PRKAG2: variants seen among roughly 807,000 people sequenced by gnomAD.
The protein encoded by PRKAG2 is protein kinase AMP-activated non-catalytic subunit gamma 2, also known as 5'-AMP-activated protein kinase subunit gamma-2.
In PRKAG2, 26 loss-of-function variants were observed where a neutral mutation model predicts 69.6. That is an observed-to-expected ratio of 0.37 (90% confidence interval 0.27 to 0.52). The LOEUF (loss-of-function observed/expected upper bound fraction) is 0.52, where lower values mean the gene tolerates loss of function less well. Ranked by LOEUF, PRKAG2 falls within the 20% of genes least tolerant of loss-of-function variation. The pLI, the probability that PRKAG2 is intolerant of heterozygous loss-of-function variation, is 0.90. For synonymous variants in PRKAG2, 293 were observed against 285.0 expected (o/e 1.03, Z -0.28); for missense variants, 557 against 740.0 (o/e 0.75, Z 2.87).
chr7:151,777,634 G>A lies in PRKAG2; in HGVS notation c.466+3518C>T, dbSNP rs1210061801. Among the ~76,000 whole-genome samples, 3 of 152,204 alleles carry A rather than the reference G, an allele frequency of 2.0e-5. No homozygotes were observed. Among genetic ancestry groups the A allele is most frequent in the Non-Finnish European group, 4.4e-5 (3 of 68,030 alleles). On this transcript the variant is annotated intron_variant, in intron 3 of 15. Transcript: ENST00000287878. This position sits in a 1 kb window ranked among gnomAD's most constrained non-coding sequence, Gnocchi z 4.3. ...TTGCAAACACCTTGGCAGAGATCAC[G>A]ACAGCAGGAGAAGGTCCAGCCTGGC...
intron 4 of PRKAG2, among the ~76,000 whole-genome samples, chr7:151,654,016 TATC>T (rs1316547883): frequency 6.6e-6 from 1 of 152,220 alleles, no homozygotes; most frequent in Non-Finnish European, 1.5e-5. Context: ...GTTTAAAAAT[TATC>T]ATAATTATTT....
In PRKAG2 at chr7:151,632,533, C is replaced by T; in HGVS notation, c.685-395G>A. The T allele has an allele frequency of 2.0e-6, 2 of 978,778 alleles. No homozygotes were observed. Among genetic ancestry groups the T allele is most frequent in the Non-Finnish European group, 2.4e-6 (2 of 824,392 alleles). 60.6% of individuals were successfully genotyped at this position (978,778 alleles called of 1,614,324 possible). ...CGCCGTGCCGCCATTGGGAGAGGCC[C>T]GCGGCCCGCCCCCACTCCGCCCCCC... On this transcript the variant is annotated intron_variant, in intron 4 of 15. Coordinates refer to ENST00000287878, the MANE Select transcript of PRKAG2 (RefSeq NM_016203.4). This position sits in a 1 kb window ranked among gnomAD's most constrained non-coding sequence, Gnocchi z 4.2.
At chr7:151,787,134 C>A (rs1049683464) in intron 1 of PRKAG2, among the ~76,000 whole-genome samples, 11 of 152,244 alleles carry the variant, frequency 7.2e-5, no homozygotes, top group African/African-American at 2.7e-4. Flanking sequence ...AGGCAGAATC[C>A]TGCCCAGTCA....
chr7:151,645,944 T>C (rs1045752739), intron 4 of PRKAG2, among the ~76,000 whole-genome samples: 2 of 152,230 alleles, frequency 1.3e-5, no homozygotes, highest in East Asian at 1.9e-4. Context: ...TTGTTCCACA[T>C]TGCTTGTTGA....
intron 3 of PRKAG2, among the ~76,000 whole-genome samples, chr7:151,742,555 C>T (rs2073968660): frequency 2.0e-5 from 3 of 151,512 alleles, no homozygotes. Context: ...ACCCGGGAGG[C>T]GGAGGTTGCA....
rs551641154 is a variant in PRKAG2 at position 151,777,890 on chromosome 7, A to G, written c.466+3262T>C. On this transcript the variant is annotated intron_variant, in intron 3 of 15. Coordinates refer to ENST00000287878, the MANE Select transcript of PRKAG2 (RefSeq NM_016203.4). The surrounding 1 kb of genome is among the most constrained non-coding windows in gnomAD (Gnocchi z 4.3). Reference sequence around the variant, plus strand: ...TGGGAGGGGCCTGAACCGGGCTAACATGCAGGTGTAGTTTCTATGATCTCG... The same window carrying G: ...TGGGAGGGGCCTGAACCGGGCTAACGTGCAGGTGTAGTTTCTATGATCTCG... 6.6e-6 allele frequency among the ~76,000 whole-genome samples: 1 copy of G among 152,316 alleles called. No individual in the cohort carries two copies. Among genetic ancestry groups the G allele is most frequent in the South Asian group, 2.1e-4 (1 of 4,826 alleles).
chr7:151,871,097 T>G (rs1027337844), intron 1 of PRKAG2, among the ~76,000 whole-genome samples: 1 of 152,208 alleles, frequency 6.6e-6, no homozygotes, highest in Non-Finnish European at 1.5e-5. Context: ...GTCATTGGCT[T>G]GAAACAGTTC....
chr7:151,835,887 C>T lies in PRKAG2; in HGVS notation c.114+40620G>A, dbSNP rs928574074. Among the ~76,000 whole-genome samples, 7 of 152,148 alleles carry T rather than the reference C, an allele frequency of 4.6e-5. No individual in the cohort carries two copies. The highest frequency in any genetic ancestry group is 1.7e-4 in the African/African-American group (7 of 41,428). The stretch of plus-strand genomic sequence containing the variant: ...TCTGTCCCACAAAGGGCAGCCTTTC[C>T]GTATTCAAGAGTGGGGTGCAGCTCA... On this transcript the variant is annotated intron_variant, in intron 1 of 15. Coordinates refer to ENST00000287878, the MANE Select transcript of PRKAG2 (RefSeq NM_016203.4). The surrounding 1 kb of genome is among the most constrained non-coding windows in gnomAD (Gnocchi z 4.1).
chr7:151,723,474 C>T (rs144626434), intron 3 of PRKAG2, among the ~76,000 whole-genome samples: 1 of 152,206 alleles, frequency 6.6e-6, no homozygotes, highest in Non-Finnish European at 1.5e-5. Flanking sequence ...AACATGGTGG[C>T]GAACTGGCCC....
rs1424949822 is a variant in PRKAG2, at chr7:151,771,630, C to T, written c.466+9522G>A. Among the ~76,000 whole-genome samples, 3 of 152,204 alleles carry T rather than the reference C, an allele frequency of 2.0e-5. No homozygotes were observed. Among genetic ancestry groups the T allele is most frequent in the Non-Finnish European group, 2.9e-5 (2 of 68,040 alleles). Reference sequence around the variant, plus strand: ...CCAAGACTCAGGCCATTGAGTCATTCGCTTCACTGGTTTGTAAATATCTTT... The same window carrying T: ...CCAAGACTCAGGCCATTGAGTCATTTGCTTCACTGGTTTGTAAATATCTTT... On this transcript the variant is annotated intron_variant, in intron 3 of 15. Transcript: ENST00000287878. The surrounding 1 kb of genome is among the most constrained non-coding windows in gnomAD (Gnocchi z 4.0).
intron 4 of PRKAG2, among the ~76,000 whole-genome samples, chr7:151,642,221 T>C (rs188884825): frequency 1.9e-3 from 289 of 150,910 alleles, no homozygotes; most frequent in African/African-American, 6.5e-3. Flanking sequence ...CAGGCACCTG[T>C]AGTCCCAGCT....
At chr7:151,740,759 G>A (rs537573586) in intron 3 of PRKAG2, among the ~76,000 whole-genome samples, 24 of 152,318 alleles carry the variant, frequency 1.6e-4, no homozygotes, top group South Asian at 6.2e-4. Context: ...GGCCCTGCCC[G>A]GAGAAGGGGA....
At position 151,567,753 on chromosome 7, in the gene PRKAG2, A is replaced by G. The variant is rs903965301; in HGVS notation, c.1233+963T>C. On this transcript the variant is annotated intron_variant, in intron 11 of 15. Transcript: ENST00000287878. This position sits in a 1 kb window ranked among gnomAD's most constrained non-coding sequence, Gnocchi z 4.2. ...TATATATGTAAATGATTAAAATACA[A>G]GACTGGGTTGATTGACAAGGTATTT... is the stretch of plus-strand genomic sequence containing the variant. 1.3e-5 allele frequency among the ~76,000 whole-genome samples: 2 copies of G among 152,210 alleles called. No individual in the cohort carries two copies. Among genetic ancestry groups the G allele is most frequent in the African/African-American group, 4.8e-5 (2 of 41,452 alleles).
intron 1 of PRKAG2, among the ~76,000 whole-genome samples, chr7:151,817,464 C>T (rs553901551): frequency 3.3e-5 from 5 of 152,330 alleles, no homozygotes; most frequent in African/African-American, 9.6e-5. Context: ...CCCACTTCTT[C>T]AGCATGGGCT....
At chr7:151,863,444 C>T (rs2079985942) in intron 1 of PRKAG2, among the ~76,000 whole-genome samples, 1 of 152,088 alleles carries the variant, frequency 6.6e-6, no homozygotes, top group Admixed American at 6.6e-5. Context: ...TCCAAGGGGT[C>T]AGCTGAGGCC....
intron 3 of PRKAG2, among the ~76,000 whole-genome samples, chr7:151,709,492 A>C (rs1839191637): frequency 1.3e-5 from 2 of 152,074 alleles, no homozygotes; most frequent in Non-Finnish European, 2.9e-5. Flanking sequence ...CTGTGACATT[A>C]TGTGTCTGTG....
rs2077139163 is a variant in PRKAG2 at position 151,788,898 on chromosome 7, A to T, written c.115-2357T>A. Among the ~76,000 whole-genome samples the T allele has an allele frequency of 6.6e-6, 1 of 152,196 alleles. No homozygotes were observed. On this transcript the variant is annotated intron_variant, in intron 1 of 15. Transcript: ENST00000287878. This position sits in a 1 kb window ranked among gnomAD's most constrained non-coding sequence, Gnocchi z 4.6. ...CAGTTTTCCCAGCACTATTTGTTGA[A>T]AAGATGGTCCTTTCCCAGTTGAATA... is the stretch of plus-strand genomic sequence containing the variant.
At chr7:151,812,565 C>A (rs1017768821) in intron 1 of PRKAG2, among the ~76,000 whole-genome samples, 1 of 152,178 alleles carries the variant, frequency 6.6e-6, no homozygotes, top group African/African-American at 2.4e-5. Context: ...TTGGAAAGGC[C>A]AATGCCTGGG....
intron 1 of PRKAG2, among the ~76,000 whole-genome samples, chr7:151,821,069 A>AGCCTC (rs2078768088): frequency 6.9e-4 from 3 of 4,330 alleles, no homozygotes; most frequent in Non-Finnish European, 8.7e-4. Flanking sequence ...GAGACAGGGA[A>AGCCTC]CAAGCAGGCT....
Sources: gnomAD v4.1 joint callset for allele counts (sites outside exome capture counted in the v4.1 genomes callset) on GRCh38, gnomAD v4.1.1 for gene constraint, Gnocchi (gnomAD v3.1) non-coding constraint, MANE v1.5 for transcripts, NCBI Gene and HGNC (gene_info 2026-07-23, HGNC 2026-07-21) for gene names.